COL21A1: variants seen among roughly 807,000 people sequenced by gnomAD.
The protein encoded by COL21A1 is collagen type XXI alpha 1 chain, also known as collagen alpha-1(XXI) chain.
A neutral mutation model predicts 137.9 loss-of-function variants in COL21A1; 149 were observed. The observed-to-expected ratio is 1.08, with a 90% CI of 0.95 to 1.24. COL21A1 has a LOEUF of 1.24. Among genes scored for constraint, COL21A1 ranks in the 50% most tolerant of loss-of-function variants. The pLI is 0.00. For missense variants in COL21A1, 1,167 were observed against 1,158.4 expected, an observed-to-expected ratio of 1.01 and a Z score of -0.11; for synonymous variants, 456 against 391.5, an observed-to-expected ratio of 1.16 and a Z score of -1.95.
chr6:56,389,942 A>G (rs931461200), intron 1 of COL21A1, among the ~76,000 whole-genome samples: 7 of 152,230 alleles, frequency 4.6e-5, no homozygotes, highest in East Asian at 3.8e-4. Flanking sequence ...GAGTTCCTCA[A>G]TCTTAAAGAA....
rs111552429 is a variant in COL21A1, at chr6:56,271,583, G to A, written c.-38-88927C>T. Among the ~76,000 whole-genome samples, 445 of 152,340 alleles carry A rather than the reference G, an allele frequency of 2.9e-3. 5 individuals are homozygous for A. Among genetic ancestry groups the A allele is most frequent in the African/African-American group, 0.01 (416 of 41,578 alleles). On this transcript the variant is annotated intron_variant, in intron 1 of 28. Transcript: ENST00000370819. Reference sequence around the variant, plus strand: ...AGGAATTCAAGCCAGCTGCAGAAATGTGCATAAGTAACTAGGTGCTGAATA... The same window carrying A: ...AGGAATTCAAGCCAGCTGCAGAAATATGCATAAGTAACTAGGTGCTGAATA...
At chr6:56,255,266 G>A (rs775392364) in intron 1 of COL21A1, among the ~76,000 whole-genome samples, 6 of 151,460 alleles carry the variant, frequency 4.0e-5, no homozygotes, top group Non-Finnish European at 5.9e-5. Flanking sequence ...ATTCATAACT[G>A]TCTCTTTCAA....
chr6:56,290,498 G>GTTTT (rs371058894), intron 1 of COL21A1, among the ~76,000 whole-genome samples: 2,444 of 132,720 alleles, frequency 0.018, 101 homozygotes, highest in African/African-American at 0.022. Flanking sequence ...TCACTTAGGA[G>GTTTT]ATTTTTTTTT....
intron 1 of COL21A1, among the ~76,000 whole-genome samples, chr6:56,305,782 G>T (rs563781223): frequency 1.5e-3 from 232 of 151,566 alleles, no homozygotes; most frequent in Admixed American, 4.4e-3. Flanking sequence ...TCATTATGAT[G>T]TTAGCTGGTT....
chr6:56,229,668 T>C (rs1252367710), intron 1 of COL21A1, among the ~76,000 whole-genome samples: 1 of 151,922 alleles, frequency 6.6e-6, no homozygotes, highest in African/African-American at 2.4e-5. Context: ...CTGAGGAGTA[T>C]GGTCATTTTC....
At chr6:56,209,082 C>T (rs1285614047) in intron 1 of COL21A1, among the ~76,000 whole-genome samples, 1 of 152,028 alleles carries the variant, frequency 6.6e-6, no homozygotes, top group East Asian at 1.9e-4. Context: ...TAGAATAAAA[C>T]CTTGGCAATA....
intron 1 of COL21A1, among the ~76,000 whole-genome samples, chr6:56,375,363 T>A (rs1239545533): frequency 1.3e-5 from 2 of 152,152 alleles, no homozygotes; most frequent in Non-Finnish European, 2.9e-5. Context: ...TCCACTCGCT[T>A]CCAATTGAGT....
chr6:56,392,277 A>G (rs984031183), intron 1 of COL21A1, among the ~76,000 whole-genome samples: 10 of 152,260 alleles, frequency 6.6e-5, no homozygotes, highest in African/African-American at 2.4e-4. Flanking sequence ...GACAAAAAAA[A>G]TTTGATAAAA....
At chr6:56,173,725 T>A (rs578198780) in intron 3 of COL21A1, among the ~76,000 whole-genome samples, 2 of 151,934 alleles carry the variant, frequency 1.3e-5, no homozygotes, top group Non-Finnish European at 2.9e-5. Flanking sequence ...TATACAGAAC[T>A]GAAGGGAGAA....
chr6:56,163,553 CA>C (rs1310487862), intron 9 of COL21A1, among the ~76,000 whole-genome samples: 6 of 151,902 alleles, frequency 3.9e-5, no homozygotes, highest in Non-Finnish European at 7.4e-5. Flanking sequence ...TACTAAAATA[CA>C]AAAAATTAGC....
chr6:56,111,810 G>T, intron 16 of COL21A1, among the ~76,000 whole-genome samples: 1 of 151,974 alleles, frequency 6.6e-6, no homozygotes, highest in African/African-American at 2.4e-5. Context: ...GAAGGCAGAG[G>T]TTGCAGTAAG....
chr6:56,159,976 G>A (rs1776072580), intron 9 of COL21A1, among the ~76,000 whole-genome samples: 1 of 150,470 alleles, frequency 6.6e-6, no homozygotes, highest in Admixed American at 7.0e-5. Flanking sequence ...CATAAAGACT[G>A]GTCAACAGTC....
At chr6:56,360,849 C>T (rs1267775205) in intron 1 of COL21A1, among the ~76,000 whole-genome samples, 1 of 152,124 alleles carries the variant, frequency 6.6e-6, no homozygotes, top group Non-Finnish European at 1.5e-5. Context: ...CCTGTAATCA[C>T]AGCACTTTGG....
Position 56,168,231 on chromosome 6 carries a change from T to C in COL21A1, c.1093A>G (p.Ile365Val). The C allele has an allele frequency of 6.4e-7, 1 of 1,573,700 alleles. No homozygotes were observed. The highest frequency in any genetic ancestry group is 8.6e-7 in the Non-Finnish European group (1 of 1,157,112). Reference sequence around the variant, plus strand: ...TTGTTTTCAATTTGTTGGTCATCAATATACAAAGTCACATCTTGTTCTGTT... The same window carrying C: ...TTGTTTTCAATTTGTTGGTCATCAACATACAAAGTCACATCTTGTTCTGTT... ...LVTEQDVTLY[I>V]DDQQIENKPL... Residue 365 changes from isoleucine to valine, a missense_variant, in exon 6 of 30, where the codon ATT becomes GTT. Transcript: ENST00000244728.
intron 1 of COL21A1, among the ~76,000 whole-genome samples, chr6:56,332,914 T>C (rs1309071191): frequency 6.6e-6 from 1 of 152,110 alleles, no homozygotes; most frequent in Non-Finnish European, 1.5e-5. Context: ...TTAAAAATTA[T>C]AAGCAGATAT....
At chr6:56,361,078 A>G (rs1765954689) in intron 1 of COL21A1, among the ~76,000 whole-genome samples, 1 of 151,736 alleles carries the variant, frequency 6.6e-6, no homozygotes, top group Non-Finnish European at 1.5e-5. Flanking sequence ...TTAGTGACAG[A>G]GCAAGACTCC....
At position 56,347,339 on chromosome 6, in the gene COL21A1, A is replaced by T. The variant is rs762792597; in HGVS notation, c.-39+46632T>A. The stretch of plus-strand genomic sequence containing the variant: ...GGCCCTTTCCCACCCCCTCACCGGG[A>T]TTCAACTCTCACAAGGGAATCAAGT... On this transcript the variant is annotated intron_variant, in intron 1 of 28. Transcript: ENST00000370819. Among the ~76,000 whole-genome samples the T allele has an allele frequency of 4.0e-4, 61 of 152,034 alleles. 1 individual carries two copies. The highest frequency in any genetic ancestry group is 6.8e-3 in the Middle Eastern group (2 of 294).
At chr6:56,196,461 G>A (rs890012601) in intron 1 of COL21A1, among the ~76,000 whole-genome samples, 1 of 151,972 alleles carries the variant, frequency 6.6e-6, no homozygotes, top group Non-Finnish European at 1.5e-5. Flanking sequence ...TCTTATTACA[G>A]AAGACCATAA....
intron 9 of COL21A1, among the ~76,000 whole-genome samples, chr6:56,162,167 A>T (rs906456620): frequency 9.2e-5 from 14 of 152,188 alleles, no homozygotes; most frequent in Admixed American, 3.9e-4. Flanking sequence ...GTTGCTAGGG[A>T]TTCTGTTTTT....
Sources: allele counts gnomAD v4.1 joint callset (sites outside exome capture counted in the v4.1 genomes callset), GRCh38; gene constraint gnomAD v4.1.1; transcripts MANE v1.5; gene names NCBI Gene and HGNC (gene_info 2026-07-23, HGNC 2026-07-21).